Variants in TDRD9 observed in about 807,000 individuals in gnomAD.
TDRD9 encodes the protein ATP-dependent RNA helicase TDRD9.
TDRD9 carries 124 observed loss-of-function variants against 172.6 expected under a neutral mutation model. That is an observed-to-expected ratio of 0.72 (90% CI 0.62 to 0.83). TDRD9 has a LOEUF of 0.83. Ranked by LOEUF, TDRD9 falls within the 40% of genes least tolerant of loss-of-function variation. TDRD9 has a pLI of 0.00. For missense variants in TDRD9, 1,479 were observed against 1,714.1 expected, an observed-to-expected ratio of 0.86 and a Z score of 2.42; for synonymous variants, 619 against 617.1, an observed-to-expected ratio of 1.00 and a Z score of -0.05.
rs755453608 is a variant in TDRD9, at chr14:104,034,064, C to A, written c.3614C>A (p.Ala1205Glu). Reference protein sequence around the residue: ...MLVAASLSINATGSTMLLRET... With the variant: ...MLVAASLSINETGSTMLLRET... ...GTTGCAGCTTCCCTTTCCATCAATG[C>A]GACTGGTAATTTAAAGATCCTGTTT... Residue 1205 changes from alanine to glutamate, a missense_variant, in exon 31 of 36, where the codon GCG becomes GAG. Physicochemically the swap from Ala to Glu is moderately radical, Grantham distance 107. This residue lies in a region of TDRD9 where 1,413 missense variants were observed against 1,649.1 expected (regional missense o/e 0.86). Coordinates refer to ENST00000409874, the MANE Select transcript of TDRD9 (RefSeq NM_153046.3). The A allele has an allele frequency of 1.3e-6, 2 of 1,543,974 alleles. No individual in the cohort carries two copies. The highest frequency in any genetic ancestry group is 1.8e-6 in the Non-Finnish European group (2 of 1,140,106).
chr14:103,934,463 C>T (rs1402945364), intron 1 of TDRD9, among the ~76,000 whole-genome samples: 1 of 151,908 alleles, frequency 6.6e-6, no homozygotes, highest in Non-Finnish European at 1.5e-5. Context: ...TAGGTGTGGT[C>T]ACGGAGCTAA....
At chr14:103,993,072 T>C (rs1194872777) in intron 9 of TDRD9, among the ~76,000 whole-genome samples, 2 of 151,714 alleles carry the variant, frequency 1.3e-5, no homozygotes, top group Non-Finnish European at 2.9e-5. Context: ...TGGGCTGAAG[T>C]GATATTTCCA....
intron 27 of TDRD9, 99 bp from the exon 28 acceptor site, chr14:104,026,580 A>G (rs2152245457): frequency 7.4e-7 from 1 of 1,355,614 alleles, no homozygotes; most frequent in South Asian, 1.4e-5. Context: ...TGAGAATATT[A>G]TTGAAGGTAC....
intron 1 of TDRD9, among the ~76,000 whole-genome samples, chr14:103,954,409 TG>T (rs1434988680): frequency 6.6e-6 from 1 of 152,234 alleles, no homozygotes; most frequent in Non-Finnish European, 1.5e-5. Context: ...TAGTTTCATG[TG>T]GGCAAGGACT....
At chr14:103,976,041 C>T (rs1055444174) in intron 7 of TDRD9, among the ~76,000 whole-genome samples, 2 of 152,112 alleles carry the variant, frequency 1.3e-5, no homozygotes, top group Non-Finnish European at 2.9e-5. Flanking sequence ...CCTATTTCCC[C>T]CCCTTCCCAG....
At chr14:103,933,185 T>G (rs2030517483) in intron 1 of TDRD9, among the ~76,000 whole-genome samples, 1 of 152,244 alleles carries the variant, frequency 6.6e-6, no homozygotes. Context: ...CATTCTCGTG[T>G]CTTCACCTTG....
chr14:103,974,476 T>C (rs2033157416), intron 6 of TDRD9, among the ~76,000 whole-genome samples: 1 of 152,184 alleles, frequency 6.6e-6, no homozygotes, highest in Non-Finnish European at 1.5e-5. Context: ...TCAGTCATCT[T>C]GCCCCAGTCT....
chr14:103,940,699 G>A, intron 1 of TDRD9: 2 of 700,098 alleles, frequency 2.9e-6, no homozygotes, highest in South Asian at 1.9e-5. Context: ...ACATCCACAG[G>A]ATACTGACCT....
At chr14:104,020,745 G>T (rs934984870) in intron 23 of TDRD9, among the ~76,000 whole-genome samples, 3 of 152,166 alleles carry the variant, frequency 2.0e-5, no homozygotes, top group African/African-American at 7.2e-5. Flanking sequence ...ATTACAGGAC[G>T]ATTTTTATAG....
intron 8 of TDRD9, among the ~76,000 whole-genome samples, chr14:103,989,249 G>A (rs1487765132): frequency 6.6e-6 from 1 of 152,144 alleles, no homozygotes; most frequent in East Asian, 1.9e-4. Context: ...TTCTTTGCAT[G>A]TGGCATGTCA....
intron 24 of TDRD9, among the ~76,000 whole-genome samples, chr14:104,023,677 A>G (rs2035031822): frequency 6.6e-6 from 1 of 152,242 alleles, no homozygotes; most frequent in Admixed American, 6.5e-5. Context: ...GGGAAGTCTC[A>G]TTTATTATTT....
At chr14:103,976,584 A>T (rs919032143) in intron 7 of TDRD9, among the ~76,000 whole-genome samples, 1 of 151,892 alleles carries the variant, frequency 6.6e-6, no homozygotes, top group African/African-American at 2.4e-5. Flanking sequence ...CTTAATGTAC[A>T]CCTAGGTTGA....
At chr14:104,040,074 A>G (rs1248560913) in intron 32 of TDRD9, 122 bp from the exon 33 acceptor site, 1 of 837,674 alleles carries the variant, frequency 1.2e-6, no homozygotes, top group Non-Finnish European at 1.6e-6. Flanking sequence ...GCACAAGTGA[A>G]ATTAATTGCT....
chr14:104,024,461 C>A, intron 24 of TDRD9, 108 bp from the exon 25 acceptor site: 1 of 585,516 alleles, frequency 1.7e-6, no homozygotes. Context: ...TTGAAATGTT[C>A]TTTTCTTGTA....
rs528267089 is a variant in TDRD9, at chr14:103,988,689, T to G, written c.1115+2369T>G. ...TTAACACATATTTTGCAGTGTAGCA[T>G]TTTACTTTTTTTTTTTTTTTTTGAG... is the stretch of plus-strand genomic sequence containing the variant. On this transcript the variant is annotated intron_variant, in intron 8 of 35. Coordinates refer to ENST00000409874, the MANE Select transcript of TDRD9 (RefSeq NM_153046.3). Among the ~76,000 whole-genome samples, 36 of 131,788 alleles carry G rather than the reference T, an allele frequency of 2.7e-4. No homozygotes were observed. In the East Asian group the frequency reaches 7.8e-3, roughly 29 times the overall value. The allele number at this position is 131,788 out of a possible 152,430, so 86.5% of individuals were successfully genotyped here.
chr14:104,007,283 G>GC, intron 19 of TDRD9, 79 bp downstream of exon 19: 1 of 1,397,808 alleles, frequency 7.2e-7, no homozygotes, highest in Non-Finnish European at 1.0e-6. Flanking sequence ...CAGTCATAGC[G>GC]TGTGAATCAT....
intron 27 of TDRD9, among the ~76,000 whole-genome samples, chr14:104,026,359 G>A (rs1361435712): frequency 1.3e-5 from 2 of 152,168 alleles, no homozygotes; most frequent in Non-Finnish European, 2.9e-5. Flanking sequence ...TAATCCAGTA[G>A]TATCTTCTAA....
intron 33 of TDRD9, among the ~76,000 whole-genome samples, chr14:104,041,252 T>C (rs1315688718): frequency 6.6e-6 from 1 of 152,050 alleles, no homozygotes; most frequent in Non-Finnish European, 1.5e-5. Context: ...ATAGACCTAA[T>C]GGGAAAATGT....
chr14:104,033,306 GC>G, intron 30 of TDRD9, among the ~76,000 whole-genome samples: 1 of 152,304 alleles, frequency 6.6e-6, no homozygotes, highest in Non-Finnish European at 1.5e-5. Context: ...AGTCTCAGGA[GC>G]CCCAGTGTGA....
Sources: gnomAD v4.1 joint callset for allele counts (sites outside exome capture counted in the v4.1 genomes callset) on GRCh38, gnomAD v4.1.1 for gene constraint, gnomAD v4.1.1 regional missense constraint, MANE v1.5 for transcripts, NCBI Gene and HGNC (gene_info 2026-07-23, HGNC 2026-07-21) for gene names.